Variants in PLXDC2 observed in about 807,000 individuals in gnomAD.
The protein encoded by PLXDC2 is plexin domain containing 2, also known as plexin domain-containing protein 2.
Under a neutral mutation model 68.9 loss-of-function variants are expected in PLXDC2, and 40 were observed. That is an observed-to-expected ratio of 0.58 (90% CI 0.45 to 0.76). The LOEUF (loss-of-function observed/expected upper bound fraction) is 0.76, where lower values mean the gene tolerates loss of function less well. Among genes scored for constraint, PLXDC2 ranks in the 30% least tolerant of loss-of-function variants. PLXDC2 has a pLI of 0.00. For synonymous variants in PLXDC2, 243 were observed against 234.2 expected (o/e 1.04, Z -0.34); for missense variants, 644 against 661.9 (o/e 0.97, Z 0.30).
intron 4 of PLXDC2, among the ~76,000 whole-genome samples, chr10:20,102,185 A>G (rs998487859): frequency 1.3e-5 from 2 of 152,072 alleles, no homozygotes; most frequent in African/African-American, 4.8e-5. Context: ...GTCATTGTTT[A>G]TTTCTATAGT....
chr10:20,268,885 G>A (rs1210647428), intron 13 of PLXDC2, among the ~76,000 whole-genome samples: 1 of 152,140 alleles, frequency 6.6e-6, no homozygotes, highest in East Asian at 1.9e-4. Context: ...CTTTTCTTTA[G>A]AGTAGATTGC....
intron 3 of PLXDC2, 85 bp from the exon 4 acceptor site, chr10:20,068,084 AT>A (rs939196355): frequency 8.7e-6 from 10 of 1,150,728 alleles, no homozygotes; most frequent in Non-Finnish European, 1.3e-5. Flanking sequence ...TAGAAGCATC[AT>A]TTTTGTTTTA....
chr10:20,282,976 C>G lies in PLXDC2; in HGVS notation c.*3157C>G, dbSNP rs1836101417. 6.6e-6 allele frequency: 1 copy of G among 152,206 alleles called. No individual in the cohort carries two copies. Among genetic ancestry groups the G allele is most frequent in the African/African-American group, 2.4e-5 (1 of 41,458 alleles). 9.4% of individuals were successfully genotyped at this position (152,206 alleles called of 1,614,324 possible). On this transcript the variant is annotated 3_prime_UTR_variant, in exon 14 of 14. Transcript: ENST00000377252. Reference sequence around the variant, plus strand: ...AAATTAAATTAAAAATGTAATTCTTCAGTCACACCAGCCACATTTCAAAGG... The same window carrying G: ...AAATTAAATTAAAAATGTAATTCTTGAGTCACACCAGCCACATTTCAAAGG...
chr10:20,043,859 AGTG>A lies in PLXDC2; in HGVS notation c.325-3005_325-3003del, dbSNP rs375063542. ...TAAAAATTTTCAGTGAATGATATAA[AGTG>A]GTGGCTTTGAAGAAAATAGTCAATG... On this transcript the variant is annotated intron_variant, in intron 2 of 13. Coordinates refer to ENST00000377252, the MANE Select transcript of PLXDC2 (RefSeq NM_032812.9). Among the ~76,000 whole-genome samples, 1,425 of 152,200 alleles carry A rather than the reference AGTG, an allele frequency of 9.4e-3. 29 individuals are homozygous for A. The highest frequency in any genetic ancestry group is 0.01 in the Non-Finnish European group (702 of 68,012).
At chr10:19,833,158 T>C (rs1477314192) in intron 1 of PLXDC2, among the ~76,000 whole-genome samples, 1 of 152,202 alleles carries the variant, frequency 6.6e-6, no homozygotes, top group East Asian at 1.9e-4. Context: ...AAAACTTTAC[T>C]TAATCTCATT....
intron 1 of PLXDC2, among the ~76,000 whole-genome samples, chr10:19,953,066 A>G (rs1010751695): frequency 1.3e-5 from 2 of 152,148 alleles, no homozygotes; most frequent in African/African-American, 2.4e-5. Context: ...GGGTTTGACC[A>G]TGTTGGCCAG....
intron 1 of PLXDC2, 104 bp downstream of exon 1, chr10:19,817,295 T>C: frequency 2.1e-6 from 2 of 936,368 alleles, no homozygotes; most frequent in South Asian, 1.5e-5. Context: ...CTATCTGCCC[T>C]TGGGAAACTT....
At chr10:20,013,924 A>G (rs1188964581) in intron 2 of PLXDC2, among the ~76,000 whole-genome samples, 1 of 152,194 alleles carries the variant, frequency 6.6e-6, no homozygotes, top group Non-Finnish European at 1.5e-5. Flanking sequence ...AATGTAGTTA[A>G]ATAAGGCTTT....
chr10:20,156,305 G>A (rs1395162819), intron 6 of PLXDC2, among the ~76,000 whole-genome samples: 2 of 152,072 alleles, frequency 1.3e-5, no homozygotes, highest in Non-Finnish European at 2.9e-5. Flanking sequence ...AACTCAGAGG[G>A]CACACTTTTT....
At chr10:19,973,398 C>T (rs1006799458) in intron 1 of PLXDC2, among the ~76,000 whole-genome samples, 9 of 131,678 alleles carry the variant, frequency 6.8e-5, no homozygotes, top group African/African-American at 2.7e-4. Flanking sequence ...ATACTCATTG[C>T]TATTGTGCTT....
chr10:20,013,940 G>A (rs1317757322), intron 2 of PLXDC2, among the ~76,000 whole-genome samples: 1 of 152,048 alleles, frequency 6.6e-6, no homozygotes, highest in African/African-American at 2.4e-5. Context: ...GCTTTGTAAG[G>A]AAACAACTAT....
At chr10:20,167,022 C>T (rs1834384999) in intron 7 of PLXDC2, among the ~76,000 whole-genome samples, 1 of 152,114 alleles carries the variant, frequency 6.6e-6, no homozygotes, top group East Asian at 1.9e-4. Context: ...AAATGTCCCT[C>T]ACACAATTTG....
At chr10:19,868,279 A>C (rs1837460040) in intron 1 of PLXDC2, among the ~76,000 whole-genome samples, 1 of 151,956 alleles carries the variant, frequency 6.6e-6, no homozygotes, top group Non-Finnish European at 1.5e-5. Context: ...CCCACCCGCC[A>C]CCCTCAATAG....
Position 19,865,006 on chromosome 10 carries a change from T to C in PLXDC2, c.112+47815T>C, listed in dbSNP as rs78556431. Among the ~76,000 whole-genome samples, 257 of 152,258 alleles carry C rather than the reference T, an allele frequency of 1.7e-3. 1 individual carries two copies. Among genetic ancestry groups the C allele is most frequent in the Non-Finnish European group, 3.0e-3 (202 of 68,024 alleles). On this transcript the variant is annotated intron_variant, in intron 1 of 13. Coordinates refer to ENST00000377252, the MANE Select transcript of PLXDC2 (RefSeq NM_032812.9). Reference sequence around the variant, plus strand: ...CAGTGTTCACAGAAGACAGAGAGGATGATGTCTTAGGAAAAGGACCACAGT... The same window carrying C: ...CAGTGTTCACAGAAGACAGAGAGGACGATGTCTTAGGAAAAGGACCACAGT...
intron 2 of PLXDC2, among the ~76,000 whole-genome samples, chr10:20,044,251 TTCTTTCTTTCTTTC>T (rs1484062251): frequency 1.1e-4 from 14 of 127,794 alleles, no homozygotes; most frequent in African/African-American, 4.5e-4. Context: ...CTTTCTTTCT[TTCTTTCTTTCTTTC>T]TTTCTTTCTT....
At chr10:19,961,281 A>G (rs1007626217) in intron 1 of PLXDC2, among the ~76,000 whole-genome samples, 4 of 152,248 alleles carry the variant, frequency 2.6e-5, no homozygotes, top group Admixed American at 1.3e-4. Context: ...ATATATCAAC[A>G]TGCATCATGA....
chr10:19,927,814 A>C (rs946646947), intron 1 of PLXDC2, among the ~76,000 whole-genome samples: 2 of 150,474 alleles, frequency 1.3e-5, no homozygotes, highest in African/African-American at 4.9e-5. Context: ...TTTTATATAC[A>C]TTTTTTATTT....
At chr10:19,911,191 A>G (rs1833265477) in intron 1 of PLXDC2, among the ~76,000 whole-genome samples, 1 of 151,992 alleles carries the variant, frequency 6.6e-6, no homozygotes, top group South Asian at 2.1e-4. Flanking sequence ...AGTACAGATT[A>G]TCTAGTGTGT....
At chr10:20,132,654 G>T (rs971621999) in intron 4 of PLXDC2, among the ~76,000 whole-genome samples, 4 of 151,594 alleles carry the variant, frequency 2.6e-5, no homozygotes, top group African/African-American at 9.7e-5. Flanking sequence ...GGCTACTCCT[G>T]CTCTCTTTTG....
Sources: gnomAD v4.1 joint callset for allele counts (sites outside exome capture counted in the v4.1 genomes callset) on GRCh38, gnomAD v4.1.1 for gene constraint, MANE v1.5 for transcripts, NCBI Gene and HGNC (gene_info 2026-07-23, HGNC 2026-07-21) for gene names.